RTN1: variants seen among roughly 807,000 people sequenced by gnomAD.
RTN1 encodes the protein reticulon-1.
A neutral mutation model predicts 65.5 loss-of-function variants in RTN1; 25 were observed. The observed-to-expected ratio is 0.38, with a 90% confidence interval of 0.28 to 0.53. RTN1 has a LOEUF of 0.53. Among genes scored for constraint, RTN1 ranks in the 20% least tolerant of loss-of-function variants. The probability of loss-of-function intolerance (pLI) is 0.79; values close to 1 mark genes in which losing one functional copy is unlikely to be tolerated. For synonymous variants in RTN1, 471 were observed against 447.6 expected (o/e 1.05, Z -0.66); for missense variants, 983 against 1,025.4 (o/e 0.96, Z 0.57).
chr14:59,862,972 T>C (rs1887736157), intron 1 of RTN1, among the ~76,000 whole-genome samples: 1 of 152,104 alleles, frequency 6.6e-6, no homozygotes, highest in African/African-American at 2.4e-5. Flanking sequence ...CTCAGCCCCA[T>C]CTCCAACCAC....
intron 3 of RTN1, among the ~76,000 whole-genome samples, chr14:59,642,351 G>A (rs1299037188): frequency 6.6e-6 from 1 of 152,058 alleles, no homozygotes; most frequent in Non-Finnish European, 1.5e-5. Flanking sequence ...GTGGATTGAT[G>A]CCTTTTATCA....
chr14:59,752,366 G>C (rs538434034), intron 1 of RTN1, among the ~76,000 whole-genome samples: 9 of 152,124 alleles, frequency 5.9e-5, no homozygotes, highest in Middle Eastern at 3.4e-3. Flanking sequence ...TCTCTCTGGG[G>C]CCACTTTTAT....
chr14:59,847,534 C>T (rs1038444081), intron 1 of RTN1, among the ~76,000 whole-genome samples: 7 of 152,184 alleles, frequency 4.6e-5, no homozygotes, highest in Admixed American at 6.5e-5. Flanking sequence ...TGGGCTCATA[C>T]AAGTTTTAGC....
chr14:59,833,587 A>G (rs1179928434), intron 1 of RTN1, among the ~76,000 whole-genome samples: 1 of 152,110 alleles, frequency 6.6e-6, no homozygotes, highest in Admixed American at 6.6e-5. Flanking sequence ...TTACATGGGT[A>G]AATTGTGTGT....
At position 59,870,600 on chromosome 14, in the gene RTN1, G is replaced by A; in HGVS notation, c.31C>T (p.Leu11=). 1 of 1,438,258 alleles carries A rather than the reference G, an allele frequency of 7.0e-7. No homozygotes were observed. The highest frequency in any genetic ancestry group is 9.1e-7 in the Non-Finnish European group (1 of 1,100,308). 89.1% of individuals were successfully genotyped at this position (1,438,258 alleles called of 1,614,324 possible). A position where few individuals can be genotyped will look rare whatever the true frequency, so the allele number is the denominator to read the frequency against. Residue 11 remains leucine, a synonymous_variant, in exon 1 of 9, where the codon CTG becomes TTG. Coordinates refer to ENST00000267484, the MANE Select transcript of RTN1 (RefSeq NM_021136.3). The surrounding 1 kb of genome is among the most constrained non-coding windows in gnomAD (Gnocchi z 5.1). ...GACCCGGGGCCGGCCAGCGGCAGCA[G>A]CTCGTCCTGCGGATCCCCCGGCGCG... The part of the protein sequence containing the change: MAAPGDPQDE[L]LPLAGPGSQW...
intron 3 of RTN1, among the ~76,000 whole-genome samples, chr14:59,622,467 C>T (rs554912159): frequency 2.0e-5 from 3 of 152,242 alleles, no homozygotes; most frequent in South Asian, 2.1e-4. Flanking sequence ...TACTTTTTAG[C>T]AAGCTTCCAA....
At position 59,752,761 on chromosome 14, in the gene RTN1, C is replaced by T. The variant is rs1459216720; in HGVS notation, c.242-6280G>A. Among the ~76,000 whole-genome samples, 12 of 152,116 alleles carry T rather than the reference C, an allele frequency of 7.9e-5. 2 individuals carry two copies. The highest frequency in any genetic ancestry group is 7.9e-4 in the Admixed American group (12 of 15,282). On this transcript the variant is annotated intron_variant, in intron 1 of 8. Coordinates refer to ENST00000267484, the MANE Select transcript of RTN1 (RefSeq NM_021136.3). ...ATAAATGGACTCTTCAATCCATTAA[C>T]GAGTGGTCTTATTCTGTGCAGCTAC...
chr14:59,738,020 T>A (rs1885035801), intron 2 of RTN1, among the ~76,000 whole-genome samples: 1 of 152,134 alleles, frequency 6.6e-6, no homozygotes, highest in Non-Finnish European at 1.5e-5. Context: ...TAAAGATGGA[T>A]TAAAGACTTA....
intron 3 of RTN1, among the ~76,000 whole-genome samples, chr14:59,610,637 C>T (rs1881918735): frequency 6.6e-6 from 1 of 152,206 alleles, no homozygotes. Flanking sequence ...GCTCAACTAA[C>T]TTTAGGAGAA....
intron 3 of RTN1, among the ~76,000 whole-genome samples, chr14:59,671,416 G>A (rs1280322314): frequency 2.0e-5 from 3 of 152,142 alleles, no homozygotes; most frequent in Non-Finnish European, 4.4e-5. Flanking sequence ...ACAAACCAAA[G>A]AGCAGAGAAA....
chr14:59,720,463 A>G (rs974949603), intron 3 of RTN1, among the ~76,000 whole-genome samples: 1 of 152,116 alleles, frequency 6.6e-6, no homozygotes. Flanking sequence ...GGCTCACGCT[A>G]GTAATTCCAG....
At chr14:59,859,714 G>A (rs932945033) in intron 1 of RTN1, among the ~76,000 whole-genome samples, 1 of 152,228 alleles carries the variant, frequency 6.6e-6, no homozygotes, top group African/African-American at 2.4e-5. Context: ...AAGCCTGATA[G>A]CAATATGGAC....
chr14:59,605,311 C>A, intron 5 of RTN1, 57 bp downstream of exon 5: 1 of 1,556,204 alleles, frequency 6.4e-7, no homozygotes, highest in Non-Finnish European at 8.7e-7. Context: ...TACAGTATTA[C>A]ACCTTTAGGG....
At chr14:59,602,840 T>C (rs1881621027) in intron 8 of RTN1, among the ~76,000 whole-genome samples, 1 of 152,170 alleles carries the variant, frequency 6.6e-6, no homozygotes, top group Non-Finnish European at 1.5e-5. Flanking sequence ...AAACTTATTA[T>C]GAAACCTGAA....
rs1180061621 is a variant in RTN1, at chr14:59,749,328, CTATA to C, written c.242-2851_242-2848del. On this transcript the variant is annotated intron_variant, in intron 1 of 8. Coordinates refer to ENST00000267484, the MANE Select transcript of RTN1 (RefSeq NM_021136.3). ...TATATCTATATATATATCTATATAT[CTATA>C]TATATCTATATATATCTATATATAT... Among the ~76,000 whole-genome samples the C allele has an allele frequency of 5.8e-3, 114 of 19,792 alleles. 21 individuals are homozygous for C. The highest frequency in any genetic ancestry group is 0.053 in the East Asian group (36 of 684). The allele number at this position is 19,792 out of a possible 152,430, so 13.0% of individuals were successfully genotyped here.
chr14:59,785,738 G>C (rs879710552), intron 1 of RTN1, among the ~76,000 whole-genome samples: 6 of 152,156 alleles, frequency 3.9e-5, no homozygotes, highest in Admixed American at 6.5e-5. Flanking sequence ...AAGCAATGGA[G>C]CTGGAATTAT....
chr14:59,732,328 G>A (rs1262457162), intron 2 of RTN1, among the ~76,000 whole-genome samples: 4 of 152,186 alleles, frequency 2.6e-5, no homozygotes, highest in Admixed American at 6.5e-5. Flanking sequence ...CAAGATGGCC[G>A]AATAGAATCA....
At chr14:59,607,154 T>C in intron 4 of RTN1, 131 bp downstream of exon 4, 1 of 692,880 alleles carries the variant, frequency 1.4e-6, no homozygotes, top group Non-Finnish European at 2.5e-6. Context: ...AAAGACAGGG[T>C]GTTAGGGGAG....
intron 2 of RTN1, among the ~76,000 whole-genome samples, chr14:59,729,440 GT>G (rs1884854031): frequency 6.6e-6 from 1 of 152,110 alleles, no homozygotes; most frequent in Admixed American, 6.5e-5. Context: ...TATGAATCAT[GT>G]TTTTAAAAAT....
Sources: allele counts gnomAD v4.1 joint callset (sites outside exome capture counted in the v4.1 genomes callset), GRCh38; gene constraint gnomAD v4.1.1; non-coding constraint Gnocchi (gnomAD v3.1); transcripts MANE v1.5; gene names NCBI Gene and HGNC (gene_info 2026-07-23, HGNC 2026-07-21).